ASAP1: variants seen among roughly 807,000 people sequenced by gnomAD.
ASAP1 encodes the protein arf-GAP with SH3 domain, ANK repeat and PH domain-containing protein 1.
In ASAP1, 43 loss-of-function variants were observed where a neutral mutation model predicts 145.2. The observed-to-expected ratio is 0.30, with a 90% CI of 0.23 to 0.38. The LOEUF (loss-of-function observed/expected upper bound fraction) is 0.38. Ranked by LOEUF, ASAP1 falls within the 10% of genes least tolerant of loss-of-function variation. ASAP1 has a pLI of 1.00. For missense variants in ASAP1, 1,018 were observed against 1,355.3 expected (o/e 0.75, Z 3.91); for synonymous variants, 546 against 515.5 (o/e 1.06, Z -0.80).
intron 24 of ASAP1, among the ~76,000 whole-genome samples, chr8:130,105,830 T>A (rs142175293): frequency 2.0e-5 from 3 of 152,192 alleles, no homozygotes; most frequent in Non-Finnish European, 4.4e-5. Flanking sequence ...ATGTGCCACA[T>A]TGCTCTGTCA....
chr8:130,244,411 T>C (rs1198085707), intron 3 of ASAP1, among the ~76,000 whole-genome samples: 1 of 152,246 alleles, frequency 6.6e-6, no homozygotes, highest in Non-Finnish European at 1.5e-5. Flanking sequence ...CTGGAGACTG[T>C]GCAAGAATCC....
intron 1 of ASAP1, among the ~76,000 whole-genome samples, chr8:130,425,611 G>A (rs566555742): frequency 6.6e-6 from 1 of 152,278 alleles, no homozygotes; most frequent in East Asian, 1.9e-4. Flanking sequence ...AGTGACAGAT[G>A]TTTTGAAAAG....
At chr8:130,166,795 T>G (rs1483977420) in intron 11 of ASAP1, among the ~76,000 whole-genome samples, 17 of 152,228 alleles carry the variant, frequency 1.1e-4, no homozygotes, top group Non-Finnish European at 1.0e-4. Context: ...CATTCTATGC[T>G]CTTTCAATAT....
chr8:130,214,636 G>A lies in ASAP1; in HGVS notation c.325C>T (p.Arg109Ter), dbSNP rs1816783453. 1.9e-6 allele frequency: 3 copies of A among 1,611,636 alleles called. No individual in the cohort carries two copies. Among genetic ancestry groups the A allele is most frequent in the African/African-American group, 1.3e-5 (1 of 74,756 alleles). Residue 109 changes from arginine to a stop codon, truncating the protein, a stop_gained, in exon 5 of 30, where the codon CGA becomes TGA. Transcript: ENST00000518721. LOFTEE classifies it high-confidence loss of function. ...GCGGTGCCAAGGTCGGGGTTGTCTC[G>A]ACTTAAAAAATTACTCCCAAACTTA... is the stretch of plus-strand genomic sequence containing the variant. ...LDKFGSNFLS[R>*]DNPDLGTAFV...
chr8:130,279,454 G>A (rs1319295263), intron 3 of ASAP1, among the ~76,000 whole-genome samples: 1 of 152,184 alleles, frequency 6.6e-6, no homozygotes, highest in Non-Finnish European at 1.5e-5. Context: ...CACTTCTGCA[G>A]AGATAGTTAA....
At chr8:130,306,102 G>A (rs1205422128) in intron 3 of ASAP1, among the ~76,000 whole-genome samples, 1 of 152,164 alleles carries the variant, frequency 6.6e-6, no homozygotes, top group Non-Finnish European at 1.5e-5. Flanking sequence ...CCTTCAGCAA[G>A]AAGGTTAACT....
intron 27 of ASAP1, among the ~76,000 whole-genome samples, chr8:130,070,850 A>AGAGAGG (rs1382950627): frequency 0.038 from 147 of 3,856 alleles, 44 homozygotes; most frequent in African/African-American, 0.21. Context: ...GGAGAGAGGG[A>AGAGAGG]GAGAGAGGGA....
intron 16 of ASAP1, 57 bp downstream of exon 16, chr8:130,127,870 A>G (rs1014448350): frequency 1.3e-6 from 2 of 1,583,666 alleles, no homozygotes; most frequent in Non-Finnish European, 1.7e-6. Flanking sequence ...ATCGTTTTAT[A>G]TTCTACAGGA....
At chr8:130,109,749 CATT>C (rs1447997623) in intron 24 of ASAP1, among the ~76,000 whole-genome samples, 1 of 152,190 alleles carries the variant, frequency 6.6e-6, no homozygotes, top group Non-Finnish European at 1.5e-5. Flanking sequence ...CCATTCTAAA[CATT>C]ATCAGTTTTC....
At chr8:130,414,576 T>C (rs1829396374) in intron 1 of ASAP1, among the ~76,000 whole-genome samples, 1 of 152,170 alleles carries the variant, frequency 6.6e-6, no homozygotes, top group Admixed American at 6.5e-5. Context: ...GGCCTTGTGA[T>C]TTCCATCCAG....
At chr8:130,402,602 C>T (rs1197069767) in intron 1 of ASAP1, among the ~76,000 whole-genome samples, 2 of 152,108 alleles carry the variant, frequency 1.3e-5, no homozygotes, top group Non-Finnish European at 2.9e-5. Flanking sequence ...ATAAATTGAG[C>T]CAAGGGACCT....
chr8:130,235,746 G>C (rs977218830), intron 4 of ASAP1, among the ~76,000 whole-genome samples: 54 of 152,146 alleles, frequency 3.5e-4, no homozygotes, highest in African/African-American at 1.1e-3. Flanking sequence ...GGCCTAGGGG[G>C]GTTTAAAAAA....
intron 2 of ASAP1, among the ~76,000 whole-genome samples, chr8:130,393,742 C>A (rs1014576419): frequency 1.3e-5 from 2 of 152,152 alleles, no homozygotes; most frequent in Non-Finnish European, 2.9e-5. Flanking sequence ...GGTGACAGAG[C>A]GAGACTCTGT....
At chr8:130,085,525 A>G (rs1592764690) in intron 25 of ASAP1, among the ~76,000 whole-genome samples, 2 of 152,152 alleles carry the variant, frequency 1.3e-5, no homozygotes, top group South Asian at 4.1e-4. Flanking sequence ...ACCTGAGCCC[A>G]GGAGTTCGAG....
chr8:130,288,207 TG>T (rs913674075), intron 3 of ASAP1, among the ~76,000 whole-genome samples: 16 of 152,216 alleles, frequency 1.1e-4, no homozygotes. Flanking sequence ...TTTTCATCTG[TG>T]GCTTTTTTCT....
At chr8:130,086,986 T>C (rs746072646) in intron 25 of ASAP1, among the ~76,000 whole-genome samples, 4 of 152,176 alleles carry the variant, frequency 2.6e-5, no homozygotes, top group Non-Finnish European at 4.4e-5. Context: ...CTCCTGCCTA[T>C]TCCACTCATC....
intron 24 of ASAP1, among the ~76,000 whole-genome samples, chr8:130,099,395 T>C: frequency 6.6e-6 from 1 of 152,106 alleles, no homozygotes; most frequent in Non-Finnish European, 1.5e-5. Context: ...TTAGCCAGGA[T>C]GGTCTCGATC....
At chr8:130,072,825 G>GTGTGTGCGTGTGCGCGTGCGCGCGCA in intron 27 of ASAP1, among the ~76,000 whole-genome samples, 1 of 54,098 alleles carries the variant, frequency 1.8e-5, no homozygotes, top group East Asian at 4.0e-4. Context: ...GTGTGTGTGT[G>GTGTGTGCGTGTGCGCGTGCGCGCGCA]CGCGCGGGGG....
intron 3 of ASAP1, among the ~76,000 whole-genome samples, chr8:130,305,836 G>A (rs1822960486): frequency 6.6e-6 from 1 of 152,136 alleles, no homozygotes; most frequent in South Asian, 2.1e-4. Context: ...ACTACCAGCT[G>A]TTTCACTGGC....
Sources: gnomAD v4.1 joint callset for allele counts (sites outside exome capture counted in the v4.1 genomes callset) on GRCh38, gnomAD v4.1.1 for gene constraint, MANE v1.5 for transcripts, NCBI Gene and HGNC (gene_info 2026-07-23, HGNC 2026-07-21) for gene names.